CACNB2: variants seen among roughly 807,000 people sequenced by gnomAD.
CACNB2 encodes the protein calcium voltage-gated channel auxiliary subunit beta 2.
In CACNB2, 42 loss-of-function variants were observed where a neutral mutation model predicts 73.3. The ratio of observed to expected loss-of-function variants is 0.57; its 90% CI spans 0.45 to 0.74. CACNB2 has a LOEUF of 0.74. Ranked by LOEUF, CACNB2 falls within the 30% of genes least tolerant of loss-of-function variation. The pLI is 0.00. For missense variants in CACNB2, 940 were observed against 853.0 expected (o/e 1.10, Z -1.27); for synonymous variants, 348 against 310.3 (o/e 1.12, Z -1.28).
At chr10:18,371,617 G>A (rs1379958863) in intron 2 of CACNB2, among the ~76,000 whole-genome samples, 2 of 152,106 alleles carry the variant, frequency 1.3e-5, no homozygotes, top group Admixed American at 1.3e-4. Context: ...GGACATTTGG[G>A]TTGGTTCCAA....
intron 2 of CACNB2, among the ~76,000 whole-genome samples, chr10:18,354,650 A>G (rs1488300902): frequency 6.6e-6 from 1 of 151,944 alleles, no homozygotes; most frequent in Non-Finnish European, 1.5e-5. Context: ...AACTATAGGG[A>G]TGGGGGAACT....
At chr10:18,482,203 T>C (rs2048817489) in intron 3 of CACNB2, among the ~76,000 whole-genome samples, 1 of 152,192 alleles carries the variant, frequency 6.6e-6, no homozygotes, top group Non-Finnish European at 1.5e-5. Context: ...TATTGGTTTT[T>C]ACAGAGACTA....
At chr10:18,254,168 T>C (rs565118503) in intron 2 of CACNB2, among the ~76,000 whole-genome samples, 1 of 152,320 alleles carries the variant, frequency 6.6e-6, no homozygotes, top group African/African-American at 2.4e-5. Flanking sequence ...TAGGATCCTG[T>C]GTTACATTCT....
chr10:18,228,444 A>AAAAAAAAAAAG (rs1554773828), intron 2 of CACNB2, among the ~76,000 whole-genome samples: 5 of 149,326 alleles, frequency 3.3e-5, no homozygotes, highest in East Asian at 2.0e-4. Flanking sequence ...AAAAAAAAAA[A>AAAAAAAAAAAG]AAAAAGAAAA....
chr10:18,228,455 A>AAAAAAAAAAAAAAAAAAAT (rs2036099886), intron 2 of CACNB2, among the ~76,000 whole-genome samples: 1 of 150,018 alleles, frequency 6.7e-6, no homozygotes, highest in African/African-American at 2.5e-5. Flanking sequence ...AAAAAGAAAA[A>AAAAAAAAAAAAAAAAAAAT]AAAAAAGAAA....
At chr10:18,473,054 G>C (rs1192049197) in intron 3 of CACNB2, among the ~76,000 whole-genome samples, 1 of 152,196 alleles carries the variant, frequency 6.6e-6, no homozygotes, top group Non-Finnish European at 1.5e-5. Flanking sequence ...AGCCAAATTT[G>C]CATTGTTGTT....
intron 2 of CACNB2, among the ~76,000 whole-genome samples, chr10:18,288,060 T>C (rs1454032901): frequency 9.9e-5 from 15 of 152,188 alleles, no homozygotes; most frequent in Admixed American, 8.5e-4. Flanking sequence ...TGTCTCTGTG[T>C]CCAACTTTCC....
intron 2 of CACNB2, among the ~76,000 whole-genome samples, chr10:18,372,153 T>C (rs971625391): frequency 6.6e-6 from 1 of 152,200 alleles, no homozygotes; most frequent in Non-Finnish European, 1.5e-5. Flanking sequence ...TTCTGTAGGT[T>C]GCCTGTTCAC....
chr10:18,273,788 T>C (rs1378288696), intron 2 of CACNB2, among the ~76,000 whole-genome samples: 1 of 152,208 alleles, frequency 6.6e-6, no homozygotes, highest in Non-Finnish European at 1.5e-5. Flanking sequence ...TGAATTATAG[T>C]AGGAGCTTGC....
At chr10:18,177,943 C>T (rs1027264823) in intron 2 of CACNB2, among the ~76,000 whole-genome samples, 2 of 152,106 alleles carry the variant, frequency 1.3e-5, no homozygotes, top group Non-Finnish European at 1.5e-5. Context: ...ACAGTATATA[C>T]GTAGGTATTC....
At chr10:18,278,314 T>A (rs2038386195) in intron 2 of CACNB2, among the ~76,000 whole-genome samples, 1 of 152,040 alleles carries the variant, frequency 6.6e-6, no homozygotes, top group Admixed American at 6.6e-5. Flanking sequence ...ACCCTATCTC[T>A]ACCCAGAAAA....
At chr10:18,163,900 C>G (rs1013620406) in intron 2 of CACNB2, among the ~76,000 whole-genome samples, 1 of 152,036 alleles carries the variant, frequency 6.6e-6, no homozygotes, top group African/African-American at 2.4e-5. Context: ...CGTGGAGAAG[C>G]AGTGCTTTCA....
rs74120239 is a variant in CACNB2, at chr10:18,179,752, A to C, written c.213+28777A>C. 5.5e-3 allele frequency among the ~76,000 whole-genome samples: 834 copies of C among 152,300 alleles called. 11 individuals are homozygous for C. The highest frequency in any genetic ancestry group is 0.019 in the African/African-American group (808 of 41,560). The stretch of plus-strand genomic sequence containing the variant: ...AGTAAACACGTGCATGCCAATATTT[A>C]AAATCTGCTTTAAACAGAAAGAATA... On this transcript the variant is annotated intron_variant, in intron 2 of 13. Coordinates refer to ENST00000324631, the MANE Select transcript of CACNB2 (RefSeq NM_201596.3).
intron 2 of CACNB2, among the ~76,000 whole-genome samples, chr10:18,278,133 A>T (rs1390475926): frequency 2.0e-5 from 3 of 152,240 alleles, no homozygotes; most frequent in Non-Finnish European, 4.4e-5. Context: ...AAGATTAATT[A>T]TATAACTGCT....
chr10:18,275,194 T>G (rs1055611380), intron 2 of CACNB2, among the ~76,000 whole-genome samples: 9 of 152,146 alleles, frequency 5.9e-5, no homozygotes, highest in African/African-American at 2.2e-4. Context: ...CAGCTCAGAG[T>G]TCCTACAGAT....
intron 3 of CACNB2, among the ~76,000 whole-genome samples, chr10:18,457,980 A>G (rs1223248105): frequency 6.6e-6 from 1 of 152,234 alleles, no homozygotes; most frequent in African/African-American, 2.4e-5. Flanking sequence ...TGTTCTCAAC[A>G]CAGCTAATTG....
chr10:18,164,180 A>G (rs767070078), intron 2 of CACNB2, among the ~76,000 whole-genome samples: 5 of 152,240 alleles, frequency 3.3e-5, no homozygotes, highest in Non-Finnish European at 5.9e-5. Flanking sequence ...CTAGATGTCA[A>G]TTGAAGGTCA....
At chr10:18,208,820 C>G (rs952595014) in intron 2 of CACNB2, among the ~76,000 whole-genome samples, 1 of 151,022 alleles carries the variant, frequency 6.6e-6, no homozygotes, top group Non-Finnish European at 1.5e-5. Flanking sequence ...GTAGAAGATA[C>G]GACGTTTAGA....
At chr10:18,258,615 A>C (rs2037385513) in intron 2 of CACNB2, among the ~76,000 whole-genome samples, 1 of 152,094 alleles carries the variant, frequency 6.6e-6, no homozygotes, top group South Asian at 2.1e-4. Context: ...AATCCCAGCT[A>C]CTCAGGAGCC....
Sources: allele counts gnomAD v4.1 joint callset (sites outside exome capture counted in the v4.1 genomes callset), GRCh38; gene constraint gnomAD v4.1.1; transcripts MANE v1.5; gene names NCBI Gene and HGNC (gene_info 2026-07-23, HGNC 2026-07-21).